Variants in NACC2 observed in about 807,000 individuals in gnomAD.
The protein encoded by NACC2 is NACC family member 2.
In NACC2, 8 loss-of-function variants were observed where a neutral mutation model predicts 25.1. That is an observed-to-expected ratio of 0.32 (90% CI 0.19 to 0.57). The LOEUF is 0.57. NACC2 is among the 20% of genes least tolerant of loss of function. NACC2 has a pLI of 0.89. For synonymous variants in NACC2, 435 were observed against 294.7 expected, an observed-to-expected ratio of 1.48 and a Z score of -4.88; for missense variants, 644 against 650.2, an observed-to-expected ratio of 0.99 and a Z score of 0.10.
At chr9:136,056,100 G>C (rs1435070617) in intron 1 of NACC2, among the ~76,000 whole-genome samples, 1 of 152,200 alleles carries the variant, frequency 6.6e-6, no homozygotes, top group Non-Finnish European at 1.5e-5. Context: ...GGGAGGACAA[G>C]GGGGCGGCAG....
Position 136,020,180 on chromosome 9 carries a change from C to T in NACC2, c.887-3751G>A, listed in dbSNP as rs989447304. ...CGTCCACTTTACCACAATAACAACG[C>T]TCAGAAAGAACAAATGAACGAACGT... is the stretch of plus-strand genomic sequence containing the variant. On this transcript the variant is annotated intron_variant, in intron 2 of 5. Transcript: ENST00000277554. This position sits in a 1 kb window ranked among gnomAD's most constrained non-coding sequence, Gnocchi z 4.7. Among the ~76,000 whole-genome samples, 7 of 152,192 alleles carry T rather than the reference C, an allele frequency of 4.6e-5. No individual in the cohort carries two copies. Among genetic ancestry groups the T allele is most frequent in the Non-Finnish European group, 7.3e-5 (5 of 68,032 alleles).
Position 136,022,647 on chromosome 9 carries a change from G to A in NACC2, c.887-6218C>T, listed in dbSNP as rs1472815786. Among the ~76,000 whole-genome samples, 4 of 152,126 alleles carry A rather than the reference G, an allele frequency of 2.6e-5. No individual in the cohort carries two copies. The highest frequency in any genetic ancestry group is 5.9e-5 in the Non-Finnish European group (4 of 68,014). On this transcript the variant is annotated intron_variant, in intron 2 of 5. Transcript: ENST00000277554. The surrounding 1 kb of genome is among the most constrained non-coding windows in gnomAD (Gnocchi z 4.4). ...GGCAGTGAGGGGGGCTCACCCTGCT[G>A]GTCAGTGTCCCCAGGGCCTGGCACA... is the stretch of plus-strand genomic sequence containing the variant.
intron 1 of NACC2, among the ~76,000 whole-genome samples, chr9:136,088,559 A>G (rs536794540): frequency 6.6e-6 from 1 of 151,876 alleles, no homozygotes; most frequent in Admixed American, 6.5e-5. Flanking sequence ...GCTCGTGGGG[A>G]CCCAGGTCCG....
chr9:136,037,721 C>T (rs2131152102), intron 2 of NACC2, among the ~76,000 whole-genome samples: 1 of 152,146 alleles, frequency 6.6e-6, no homozygotes, highest in Non-Finnish European at 1.5e-5. Context: ...GTTGGCCAGG[C>T]TGGTCTCGAT....
At chr9:136,053,835 G>A (rs1022266951) in intron 1 of NACC2, among the ~76,000 whole-genome samples, 14 of 152,248 alleles carry the variant, frequency 9.2e-5, no homozygotes, top group African/African-American at 3.1e-4. Context: ...ACGGCGCACC[G>A]GTTCCTGGGG....
chr9:136,050,840 C>T (rs1429703144), intron 1 of NACC2, among the ~76,000 whole-genome samples: 2 of 152,134 alleles, frequency 1.3e-5, no homozygotes, highest in African/African-American at 2.4e-5. Flanking sequence ...GCGCCCACGC[C>T]ACTCCCAGGG....
intron 2 of NACC2, among the ~76,000 whole-genome samples, chr9:136,025,741 C>T (rs1056366777): frequency 2.0e-5 from 3 of 151,800 alleles, no homozygotes; most frequent in South Asian, 2.1e-4. Flanking sequence ...GGCAAGACCT[C>T]GCCTCTACTA....
intron 2 of NACC2, among the ~76,000 whole-genome samples, chr9:136,040,352 A>G (rs998489663): frequency 4.6e-5 from 7 of 152,106 alleles, no homozygotes; most frequent in African/African-American, 1.2e-4. Context: ...CTCAAAAAAA[A>G]AAAATCAACT....
At chr9:136,017,226 C>T (rs1357143688) in intron 2 of NACC2, among the ~76,000 whole-genome samples, 1 of 152,188 alleles carries the variant, frequency 6.6e-6, no homozygotes, top group African/African-American at 2.4e-5. Flanking sequence ...TCAGGACCTG[C>T]AGCTGTGCAG....
Position 136,049,854 on chromosome 9 carries a change from T to C in NACC2, c.668A>G (p.Tyr223Cys). 1.5e-6 allele frequency: 1 copy of C among 675,254 alleles called. No homozygotes were observed. The highest frequency in any genetic ancestry group is 2.8e-6 in the Non-Finnish European group (1 of 363,280). 41.8% of individuals were successfully genotyped at this position (675,254 alleles called of 1,614,324 possible). A position where few individuals can be genotyped will look rare whatever the true frequency, so the allele number is the denominator to read the frequency against. Residue 223 changes from tyrosine to cysteine, a missense_variant, in exon 2 of 6, where the codon TAC (tyrosine) becomes TGC (cysteine). Coordinates refer to ENST00000277554, the MANE Select transcript of NACC2 (RefSeq NM_144653.5). ...TAPLKLPRVS[Y>C]YGVPSLATLI... is the part of the protein sequence containing the mutation. ...GGTGGCCAGGCTGGGCACCCCGTAG[T>C]AGGAGACACGGGGCAGTTTGAGAGG...
At chr9:136,063,897 A>C (rs549602329) in intron 1 of NACC2, among the ~76,000 whole-genome samples, 93 of 146,554 alleles carry the variant, frequency 6.3e-4, no homozygotes, top group East Asian at 1.2e-3. Flanking sequence ...AAAAAAAAAA[A>C]CAAAAAAAAC....
chr9:136,082,879 A>G (rs1442831845), intron 1 of NACC2, among the ~76,000 whole-genome samples: 1 of 152,116 alleles, frequency 6.6e-6, no homozygotes, highest in African/African-American at 2.4e-5. Context: ...AGCTGAGTGT[A>G]TTTCTGCTCA....
chr9:136,067,837 A>C (rs1413247986), intron 1 of NACC2, among the ~76,000 whole-genome samples: 5 of 152,212 alleles, frequency 3.3e-5, no homozygotes, highest in African/African-American at 1.2e-4. Flanking sequence ...CATCTCAAAA[A>C]CACAGAAACA....
rs1467176074 is a variant in NACC2, at chr9:136,084,393, C to CTCCTACGCAA, written c.-60+10786_-60+10795dup. On this transcript the variant is annotated intron_variant, in intron 1 of 5. Coordinates refer to ENST00000277554, the MANE Select transcript of NACC2 (RefSeq NM_144653.5). This position sits in a 1 kb window ranked among gnomAD's most constrained non-coding sequence, Gnocchi z 5.1. ...CGAGACTCATCCATCACACAGACAC[C>CTCCTACGCAA]TCCTACGCAATGTCCGGTCTCCGCT... 2.0e-5 allele frequency among the ~76,000 whole-genome samples: 3 copies of CTCCTACGCAA among 152,162 alleles called. No homozygotes were observed. The highest frequency in any genetic ancestry group is 7.2e-5 in the African/African-American group (3 of 41,412).
rs930368861 is a variant in NACC2, at chr9:136,010,637, G to A, written c.*879C>T. On this transcript the variant is annotated 3_prime_UTR_variant, in exon 6 of 6. Coordinates refer to ENST00000277554, the MANE Select transcript of NACC2 (RefSeq NM_144653.5). This position sits in a 1 kb window ranked among gnomAD's most constrained non-coding sequence, Gnocchi z 4.9. The stretch of plus-strand genomic sequence containing the variant: ...AAGTTTCCAAACCATATATGAAATA[G>A]ATCTAAATTACAACAAAACCTAAAA... The A allele has an allele frequency of 6.6e-6, 1 of 152,214 alleles. No homozygotes were observed. Among genetic ancestry groups the A allele is most frequent in the African/African-American group, 2.4e-5 (1 of 41,454 alleles). 9.4% of individuals were successfully genotyped at this position (152,214 alleles called of 1,614,324 possible).
chr9:136,031,420 C>G (rs973994076), intron 2 of NACC2, among the ~76,000 whole-genome samples: 1 of 152,192 alleles, frequency 6.6e-6, no homozygotes, highest in African/African-American at 2.4e-5. Context: ...TCACTGCAAA[C>G]TCTGCCTCCC....
chr9:136,076,344 T>C (rs1318532208), intron 1 of NACC2, among the ~76,000 whole-genome samples: 1 of 152,078 alleles, frequency 6.6e-6, no homozygotes, highest in Non-Finnish European at 1.5e-5. Flanking sequence ...CTGAGCCAGG[T>C]TTCCTGCCCA....
chr9:136,079,829 G>A (rs1830302567), intron 1 of NACC2, among the ~76,000 whole-genome samples: 1 of 152,236 alleles, frequency 6.6e-6, no homozygotes, highest in South Asian at 2.1e-4. Flanking sequence ...CAGCAGCCGG[G>A]GAAGTCTCAA....
chr9:136,060,370 A>G (rs945246953), intron 1 of NACC2, among the ~76,000 whole-genome samples: 1 of 152,250 alleles, frequency 6.6e-6, no homozygotes, highest in Non-Finnish European at 1.5e-5. Flanking sequence ...CCGGGGCCAT[A>G]AAAGGTAATT....
Sources: allele counts gnomAD v4.1 joint callset (sites outside exome capture counted in the v4.1 genomes callset), GRCh38; gene constraint gnomAD v4.1.1; non-coding constraint Gnocchi (gnomAD v3.1); transcripts MANE v1.5; gene names NCBI Gene and HGNC (gene_info 2026-07-23, HGNC 2026-07-21).